RABGAP1L: variants seen among roughly 807,000 people sequenced by gnomAD.
RABGAP1L encodes the protein rab GTPase-activating protein 1-like.
Under a neutral mutation model 137.7 loss-of-function variants are expected in RABGAP1L, and 63 were observed. The ratio of observed to expected loss-of-function variants is 0.46; its 90% CI spans 0.37 to 0.56. The LOEUF is 0.56. RABGAP1L is among the 20% of genes least tolerant of loss of function. RABGAP1L has a pLI of 0.00. For missense variants in RABGAP1L, 1,095 were observed against 1,244.0 expected (o/e 0.88, Z 1.80); for synonymous variants, 431 against 433.7 (o/e 0.99, Z 0.08).
intron 13 of RABGAP1L, among the ~76,000 whole-genome samples, chr1:174,628,472 G>C (rs1673084482): frequency 6.6e-6 from 1 of 152,102 alleles, no homozygotes; most frequent in Admixed American, 6.5e-5. Flanking sequence ...TATTTAACAA[G>C]TACTCAGTTT....
chr1:174,222,735 C>T (rs1259048623), intron 3 of RABGAP1L, among the ~76,000 whole-genome samples: 2 of 151,870 alleles, frequency 1.3e-5, no homozygotes, highest in Non-Finnish European at 2.9e-5. Flanking sequence ...AGAATCCAGC[C>T]AATGCAAGAT....
At chr1:174,691,706 G>A (rs1196790663) in intron 15 of RABGAP1L, among the ~76,000 whole-genome samples, 1 of 152,114 alleles carries the variant, frequency 6.6e-6, no homozygotes, top group Non-Finnish European at 1.5e-5. Flanking sequence ...ATTTAAAGAT[G>A]TGTTGTTCAA....
At chr1:174,884,150 A>G (rs763681898) in intron 19 of RABGAP1L, among the ~76,000 whole-genome samples, 1 of 152,226 alleles carries the variant, frequency 6.6e-6, no homozygotes, top group African/African-American at 2.4e-5. Flanking sequence ...TGGCTATACT[A>G]TATTGGCACT....
At chr1:174,872,913 C>T (rs145609147) in intron 19 of RABGAP1L, among the ~76,000 whole-genome samples, 1 of 152,192 alleles carries the variant, frequency 6.6e-6, no homozygotes, top group East Asian at 1.9e-4. Flanking sequence ...GTCATGTATA[C>T]TTTGTGAATG....
Position 174,993,061 on chromosome 1 carries a change from G to A in RABGAP1L, c.*3060G>A, listed in dbSNP as rs1053145746. 14 of 152,186 alleles carry A rather than the reference G, an allele frequency of 9.2e-5. No individual in the cohort carries two copies. The highest frequency in any genetic ancestry group is 7.9e-4 in the Admixed American group (12 of 15,282). 9.4% of individuals were successfully genotyped at this position (152,186 alleles called of 1,614,324 possible). A position where few individuals can be genotyped will look rare whatever the true frequency, so the allele number is the denominator to read the frequency against. ...TTCATAATTCAGTTCATCAGCTTTT[G>A]TATCTTGAGAATCTAAACACGTCTT... On this transcript the variant is annotated 3_prime_UTR_variant, in exon 26 of 26. Coordinates refer to ENST00000681986, the MANE Select transcript of RABGAP1L (RefSeq NM_001366446.1).
chr1:174,685,637 C>T (rs1446361923), intron 15 of RABGAP1L, among the ~76,000 whole-genome samples: 2 of 151,772 alleles, frequency 1.3e-5, no homozygotes, highest in African/African-American at 4.9e-5. Flanking sequence ...GATCTCAGCT[C>T]TCTGCAACCT....
At chr1:174,410,403 A>G (rs187511436) in intron 13 of RABGAP1L, among the ~76,000 whole-genome samples, 1 of 152,284 alleles carries the variant, frequency 6.6e-6, no homozygotes, top group East Asian at 1.9e-4. Flanking sequence ...GGTGACAGAT[A>G]AGGGTCCAGT....
chr1:174,575,034 G>A lies in RABGAP1L; in HGVS notation c.1711-62341G>A, dbSNP rs571422749. Among the ~76,000 whole-genome samples, 12 of 152,270 alleles carry A rather than the reference G, an allele frequency of 7.9e-5. No homozygotes were observed. In the South Asian group the frequency reaches 1.7e-3, roughly 21 times the overall value. ...CAACCTCCGCCTCCCAGGTTCAAGC[G>A]ATTCTCCTGCCTCAGCCTTCCGAGT... On this transcript the variant is annotated intron_variant, in intron 13 of 25. Coordinates refer to ENST00000681986, the MANE Select transcript of RABGAP1L (RefSeq NM_001366446.1).
chr1:174,605,711 T>C (rs775247584), intron 13 of RABGAP1L, among the ~76,000 whole-genome samples: 4 of 152,238 alleles, frequency 2.6e-5, no homozygotes, highest in Non-Finnish European at 5.9e-5. Flanking sequence ...GTCTGTGGTG[T>C]TGGCTTTTGT....
rs1672264211 is a variant in RABGAP1L at position 174,994,692 on chromosome 1, T to C, written c.*4691T>C. 1 of 152,192 alleles carries C rather than the reference T, an allele frequency of 6.6e-6. No individual in the cohort carries two copies. The highest frequency in any genetic ancestry group is 1.5e-5 in the Non-Finnish European group (1 of 68,036). The allele number at this position is 152,192 out of a possible 1,614,324, so 9.4% of individuals were successfully genotyped here. A position where few individuals can be genotyped will look rare whatever the true frequency, so the allele number is the denominator to read the frequency against. On this transcript the variant is annotated 3_prime_UTR_variant, in exon 26 of 26. Coordinates refer to ENST00000681986, the MANE Select transcript of RABGAP1L (RefSeq NM_001366446.1). ...GAATAAGGCTGGAGATGGTCCCAGA[T>C]CCAAGATGTCCCAAAAGCCTTTTGT...
intron 19 of RABGAP1L, among the ~76,000 whole-genome samples, chr1:174,844,313 G>A (rs1361806944): frequency 1.3e-4 from 17 of 127,720 alleles, no homozygotes; most frequent in Admixed American, 2.5e-4. Flanking sequence ...CCTATGTCCT[G>A]AATGGTAATG....
intron 11 of RABGAP1L, among the ~76,000 whole-genome samples, chr1:174,347,300 C>A (rs1229479977): frequency 6.6e-6 from 1 of 152,102 alleles, no homozygotes; most frequent in Non-Finnish European, 1.5e-5. Context: ...CTGTTCATTG[C>A]TGAAAGTGGA....
chr1:174,946,916 AAAT>A (rs1409740965), intron 19 of RABGAP1L, among the ~76,000 whole-genome samples: 694 of 49,908 alleles, frequency 0.014, 22 homozygotes, highest in Middle Eastern at 0.026. Context: ...AAAAAAAAAA[AAAT>A]ATATATATAT....
At chr1:174,563,990 TG>T (rs1379686604) in intron 13 of RABGAP1L, among the ~76,000 whole-genome samples, 1 of 152,158 alleles carries the variant, frequency 6.6e-6, no homozygotes. Flanking sequence ...ATGCCTTCCC[TG>T]GGATGGTTAC....
At chr1:174,501,493 T>C (rs1326092809) in intron 13 of RABGAP1L, among the ~76,000 whole-genome samples, 1 of 152,136 alleles carries the variant, frequency 6.6e-6, no homozygotes, top group Non-Finnish European at 1.5e-5. Context: ...CTGGCCTCAC[T>C]TTGTTTACTT....
chr1:174,668,472 G>GTA (rs1056266712), intron 14 of RABGAP1L, among the ~76,000 whole-genome samples: 15 of 152,074 alleles, frequency 9.9e-5, no homozygotes, highest in African/African-American at 3.1e-4. Flanking sequence ...GTATTCCATT[G>GTA]TATATATATA....
chr1:174,355,121 C>G (rs1442545876), intron 11 of RABGAP1L, among the ~76,000 whole-genome samples: 1 of 151,944 alleles, frequency 6.6e-6, no homozygotes, highest in African/African-American at 2.4e-5. Flanking sequence ...GGGTATATAC[C>G]CAGAGGATTA....
intron 19 of RABGAP1L, among the ~76,000 whole-genome samples, chr1:174,904,994 C>T (rs958455638): frequency 3.3e-5 from 5 of 152,072 alleles, no homozygotes; most frequent in African/African-American, 1.2e-4. Context: ...AGCCTTCTCA[C>T]ACTGCTGGGA....
At chr1:174,479,158 G>T (rs1658814562) in intron 13 of RABGAP1L, among the ~76,000 whole-genome samples, 1 of 152,208 alleles carries the variant, frequency 6.6e-6, no homozygotes, top group Admixed American at 6.5e-5. Context: ...ATTAAGCAGG[G>T]TTGGCATGGG....
Sources: allele counts gnomAD v4.1 joint callset (sites outside exome capture counted in the v4.1 genomes callset), GRCh38; gene constraint gnomAD v4.1.1; transcripts MANE v1.5; gene names NCBI Gene and HGNC (gene_info 2026-07-23, HGNC 2026-07-21).